ADH5: variants seen among roughly 807,000 people sequenced by gnomAD.
ADH5 encodes alcohol dehydrogenase class-3.
ADH5 carries 32 observed loss-of-function variants against 40.3 expected under a neutral mutation model. The ratio of observed to expected loss-of-function variants is 0.79; its 90% CI spans 0.60 to 1.07. ADH5 has a LOEUF of 1.07. Ranked by LOEUF, ADH5 falls within the 50% of genes least tolerant of loss-of-function variation. The pLI is 0.00. For synonymous variants in ADH5, 125 were observed against 154.3 expected (o/e 0.81, Z 1.41); for missense variants, 353 against 460.5 (o/e 0.77, Z 2.14).
At chr4:99,087,552 C>T (rs1411942138) in intron 1 of ADH5, among the ~76,000 whole-genome samples, 1 of 152,154 alleles carries the variant, frequency 6.6e-6, no homozygotes, top group Non-Finnish European at 1.5e-5. Flanking sequence ...TAAATTTCAA[C>T]TCCACAAGTC....
chr4:99,088,737 C>A lies in ADH5; in HGVS notation c.-37G>T. On this transcript the variant is annotated 5_prime_UTR_variant, in exon 1 of 9. Transcript: ENST00000296412. ...CTGGTCGGCGCGGGGGGCTGACATC[C>A]GGGGTGGGCCGCGCAGCGACGGAGG... 7.5e-7 allele frequency: 1 copy of A among 1,328,310 alleles called. No homozygotes were observed. Among genetic ancestry groups the A allele is most frequent in the Non-Finnish European group, 9.9e-7 (1 of 1,008,690 alleles). The allele number at this position is 1,328,310 out of a possible 1,614,324, so 82.3% of individuals were successfully genotyped here. A position where few individuals can be genotyped will look rare whatever the true frequency, so the allele number is the denominator to read the frequency against.
intron 7 of ADH5, among the ~76,000 whole-genome samples, chr4:99,074,345 C>G (rs1440367997): frequency 1.3e-5 from 2 of 152,174 alleles, no homozygotes; most frequent in Admixed American, 6.5e-5. Context: ...TTCCCCGCAA[C>G]CCCAAACCAC....
At chr4:99,086,194 A>G (rs187227304) in intron 1 of ADH5, among the ~76,000 whole-genome samples, 181 of 152,348 alleles carry the variant, frequency 1.2e-3, no homozygotes, top group African/African-American at 4.1e-3. Context: ...AACATTATAA[A>G]TAATGTAATT....
At chr4:99,084,029 T>C (rs1728081306) in intron 2 of ADH5, among the ~76,000 whole-genome samples, 2 of 152,182 alleles carry the variant, frequency 1.3e-5, no homozygotes, top group Admixed American at 6.5e-5. Flanking sequence ...TAAAGCTCTC[T>C]AAGCAAGCTG....
rs200326308 is a variant in ADH5 at position 99,088,672 on chromosome 4, C to G, written c.12+17G>C. 6.2e-7 allele frequency: 1 copy of G among 1,606,902 alleles called. No individual in the cohort carries two copies. The highest frequency in any genetic ancestry group is 1.3e-5 in the African/African-American group (1 of 74,646). On this transcript the variant is annotated intron_variant, in intron 1 of 8. Transcript: ENST00000296412. ...TCCCTCCCTTGGACTCAGGGCCCTC[C>G]GCTCAACGGGCCCTACCTCGTTCGC... is the stretch of plus-strand genomic sequence containing the variant.
At chr4:99,076,207 G>A in intron 6 of ADH5, 85 bp downstream of exon 6, 1 of 1,457,620 alleles carries the variant, frequency 6.9e-7, no homozygotes, top group South Asian at 1.3e-5. Flanking sequence ...CTTTTCCTTT[G>A]CCAAAACAAA....
intron 1 of ADH5, among the ~76,000 whole-genome samples, chr4:99,087,490 T>C (rs529989617): frequency 6.6e-6 from 1 of 152,250 alleles, no homozygotes; most frequent in Admixed American, 6.5e-5. Flanking sequence ...TTAAATCTCA[T>C]AGTACAAAGA....
chr4:99,083,555 G>C (rs554073931), intron 2 of ADH5, among the ~76,000 whole-genome samples: 1 of 133,182 alleles, frequency 7.5e-6, no homozygotes, highest in African/African-American at 2.8e-5. Flanking sequence ...AGCCGAGATC[G>C]CACCACTGCA....
At chr4:99,086,343 T>C (rs1386791875) in intron 1 of ADH5, among the ~76,000 whole-genome samples, 1 of 152,168 alleles carries the variant, frequency 6.6e-6, no homozygotes, top group East Asian at 1.9e-4. Flanking sequence ...TACAAGAGAA[T>C]CACACGTAAT....
Position 99,072,432 on chromosome 4 carries a change from A to T in ADH5, c.1110T>A (p.Thr370=). Residue 370 remains threonine, a synonymous_variant, in exon 9 of 9, where the codon ACT becomes ACA. Coordinates refer to ENST00000296412, the MANE Select transcript of ADH5 (RefSeq NM_000671.4). The part of the protein sequence containing the change: ...ELMHSGKSIR[T]VVKI ...CTCTTTTGAATTAAATCTTTACAAC[A>T]GTTCGAATGCTGTAAAAGGAAGCAA... 1 of 1,613,376 alleles carries T rather than the reference A, an allele frequency of 6.2e-7. No homozygotes were observed. The highest frequency in any genetic ancestry group is 8.5e-7 in the Non-Finnish European group (1 of 1,179,454).
chr4:99,085,300 C>T, intron 1 of ADH5, 84 bp from the exon 2 acceptor site: 1 of 531,856 alleles, frequency 1.9e-6, no homozygotes, highest in Non-Finnish European at 3.2e-6. Flanking sequence ...CAGATTAATG[C>T]TAATCTTAAA....
At position 99,088,652 on chromosome 4, in the gene ADH5, C is replaced by T. The variant is rs760608338; in HGVS notation, c.12+37G>A. On this transcript the variant is annotated intron_variant, in intron 1 of 8. Transcript: ENST00000296412. Reference sequence around the variant, plus strand: ...CCTAGTCCCATGCCATGCACTCCCTCCCTTGGACTCAGGGCCCTCCGCTCA... The same window carrying T: ...CCTAGTCCCATGCCATGCACTCCCTTCCTTGGACTCAGGGCCCTCCGCTCA... 3.1e-6 allele frequency: 5 copies of T among 1,602,152 alleles called. No individual in the cohort carries two copies. The African/African-American group carries it at 4.0e-5, about 13-fold the overall frequency.
In ADH5 at chr4:99,081,380, A is replaced by C. The variant is rs781014495; in HGVS notation, c.329T>G (p.Leu110Arg). Residue 110 changes from leucine to arginine, a missense_variant, in exon 4 of 9, where the codon CTT (leucine) becomes CGT (arginine). Coordinates refer to ENST00000296412, the MANE Select transcript of ADH5 (RefSeq NM_000671.4). ...AGATACTAACCTTATCTTCTGGCAA[A>C]GGTTAGTTTTAGGATTTAGACAAAA... ...CKFCLNPKTN[L>R]CQKIRVTQGK... The C allele has an allele frequency of 3.1e-6, 5 of 1,597,494 alleles. No individual in the cohort carries two copies. The highest frequency in any genetic ancestry group is 4.3e-6 in the Non-Finnish European group (5 of 1,169,290).
In ADH5 at chr4:99,077,903, TA is replaced by T. The variant is rs536216123; in HGVS notation, c.345-981del. 3.2e-4 allele frequency among the ~76,000 whole-genome samples: 48 copies of T among 152,292 alleles called. 1 individual carries two copies. The South Asian group carries it at 9.1e-3, about 29-fold the overall frequency. On this transcript the variant is annotated intron_variant, in intron 4 of 8. Transcript: ENST00000296412. ...CAAATCCTGTGTGATCTGAGCAAGT[TA>T]ATTAATCTTTATGCCTTCATTTTCT...
At chr4:99,082,167 A>G (rs895990288) in intron 2 of ADH5, 51 bp from the exon 3 acceptor site, 96 of 1,575,150 alleles carry the variant, frequency 6.1e-5, no homozygotes, top group Non-Finnish European at 8.1e-5. Flanking sequence ...CATGCAATTC[A>G]GAGGTACAGA....
intron 1 of ADH5, among the ~76,000 whole-genome samples, chr4:99,088,021 C>T (rs1437457098): frequency 6.6e-6 from 1 of 152,178 alleles, no homozygotes; most frequent in Non-Finnish European, 1.5e-5. Flanking sequence ...GAGGAGCAGA[C>T]CTGGGTCGGA....
chr4:99,072,404 T>C lies in ADH5; in HGVS notation c.*13A>G. 6.2e-7 allele frequency: 1 copy of C among 1,612,656 alleles called. No homozygotes were observed. The highest frequency in any genetic ancestry group is 8.5e-7 in the Non-Finnish European group (1 of 1,179,298). On this transcript the variant is annotated 3_prime_UTR_variant, in exon 9 of 9. Transcript: ENST00000296412. The stretch of plus-strand genomic sequence containing the variant: ...ACATCACGACAGGATGGACATTATT[T>C]TTCTCTTTTGAATTAAATCTTTACA...
chr4:99,086,258 A>G (rs1226059014), intron 1 of ADH5, among the ~76,000 whole-genome samples: 1 of 120,524 alleles, frequency 8.3e-6, no homozygotes, highest in African/African-American at 3.5e-5. Flanking sequence ...GAGGCTACTG[A>G]AAATTTAAAA....
At chr4:99,081,017 CTG>C (rs1313126839) in intron 4 of ADH5, among the ~76,000 whole-genome samples, 5 of 152,102 alleles carry the variant, frequency 3.3e-5, no homozygotes, top group Non-Finnish European at 5.9e-5. Context: ...TGTGAAGACT[CTG>C]TTTCTCTAGC....
Sources: allele counts gnomAD v4.1 joint callset (sites outside exome capture counted in the v4.1 genomes callset), GRCh38; gene constraint gnomAD v4.1.1; transcripts MANE v1.5; gene names NCBI Gene and HGNC (gene_info 2026-07-23, HGNC 2026-07-21).